Variants in MCF2L observed in about 807,000 individuals in gnomAD.
MCF2L encodes the protein MCF.2 cell line derived transforming sequence like.
MCF2L carries 97 observed loss-of-function variants against 153.4 expected under a neutral mutation model. The observed-to-expected ratio is 0.63, with a 90% CI of 0.54 to 0.75. The LOEUF (loss-of-function observed/expected upper bound fraction) is 0.75, where lower values mean the gene tolerates loss of function less well. MCF2L is among the 30% of genes least tolerant of loss of function. The pLI is 0.00. For synonymous variants in MCF2L, 659 were observed against 632.2 expected (o/e 1.04, Z -0.64); for missense variants, 1,347 against 1,495.2 (o/e 0.90, Z 1.64).
intron 4 of MCF2L, among the ~76,000 whole-genome samples, chr13:113,052,273 G>A (rs2087393528): frequency 6.6e-6 from 1 of 152,194 alleles, no homozygotes; most frequent in South Asian, 2.1e-4. Flanking sequence ...CTCGCTCAGC[G>A]GTTTTTTCTC....
intron 1 of MCF2L, among the ~76,000 whole-genome samples, chr13:113,002,359 T>C (rs1028198650): frequency 6.6e-6 from 1 of 152,240 alleles, no homozygotes; most frequent in South Asian, 2.1e-4. Context: ...ATAGACAGGC[T>C]ATGTGGACAA....
In MCF2L at chr13:112,963,177, C is replaced by A. The variant is rs1322429762; in HGVS notation, c.170-51586C>A. On this transcript the variant is annotated intron_variant, in intron 2 of 29. Coordinates refer to the MCF2L transcript ENST00000375608. ...TGAAAGGGCCCGTGGCTCCCACCCA[C>A]CTCCACCACTCTCAGCAGGGAATGC... 3.3e-5 allele frequency among the ~76,000 whole-genome samples: 5 copies of A among 152,348 alleles called. No homozygotes were observed. In the East Asian group the frequency reaches 5.8e-4, roughly 18 times the overall value.
chr13:112,918,465 G>C (rs573081952), intron 2 of MCF2L, among the ~76,000 whole-genome samples: 1 of 152,192 alleles, frequency 6.6e-6, no homozygotes, highest in Admixed American at 6.5e-5. Context: ...GCAGGCCCTT[G>C]TCCTTGTTGG....
intron 2 of MCF2L, among the ~76,000 whole-genome samples, chr13:112,918,943 C>T (rs889362735): frequency 2.6e-5 from 4 of 152,142 alleles, no homozygotes; most frequent in African/African-American, 9.7e-5. Context: ...TCTGCCCCTG[C>T]GCTTCCCCGA....
At chr13:112,971,009 T>G (rs977769803) in intron 1 of MCF2L, among the ~76,000 whole-genome samples, 1 of 152,116 alleles carries the variant, frequency 6.6e-6, no homozygotes, top group Non-Finnish European at 1.5e-5. Flanking sequence ...TAGCGTTTAG[T>G]TAGGGGAGGT....
rs2140803221 is a variant in MCF2L, at chr13:112,969,306, G to C, written c.-74G>C. 1 of 1,533,490 alleles carries C rather than the reference G, an allele frequency of 6.5e-7. No homozygotes were observed. Among genetic ancestry groups the C allele is most frequent in the South Asian group, 1.2e-5 (1 of 82,562 alleles). 95.0% of individuals were successfully genotyped at this position (1,533,490 alleles called of 1,614,324 possible). On this transcript the variant is annotated 5_prime_UTR_variant, in exon 1 of 30. Transcript: ENST00000535094. The surrounding 1 kb of genome is among the most constrained non-coding windows in gnomAD (Gnocchi z 4.8). The stretch of plus-strand genomic sequence containing the variant: ...CCTCCGCCGCGCCCCCTCCGCACTC[G>C]CACGGCCCCACCCGCAGGCGCCCCC...
intron 8 of MCF2L, 147 bp downstream of exon 8, chr13:113,066,317 A>G: frequency 2.0e-6 from 2 of 984,536 alleles, no homozygotes; most frequent in Non-Finnish European, 2.8e-6. Context: ...CCAGCACAGC[A>G]GCCGGCCTCC....
rs117864448 is a variant in MCF2L at position 113,070,195 on chromosome 13, C to T, written c.996+22C>T. ...GGAGGTGAGTGGCCCTGGGTGGAGCCGGCAGCCGCCCTGATGCTCACGGGG... is the reference window on the plus strand; with the variant it reads ...GGAGGTGAGTGGCCCTGGGTGGAGCTGGCAGCCGCCCTGATGCTCACGGGG... On this transcript the variant is annotated intron_variant, in intron 9 of 29. Coordinates refer to ENST00000535094, the MANE Select transcript of MCF2L (RefSeq NM_001112732.3). This position sits in a 1 kb window ranked among gnomAD's most constrained non-coding sequence, Gnocchi z 5.6. The T allele has an allele frequency of 0.016, 23,653 of 1,518,204 alleles. 202 individuals carry two copies. The highest frequency in any genetic ancestry group is 0.018 in the Non-Finnish European group (20,494 of 1,123,988). 94.0% of individuals were successfully genotyped at this position (1,518,204 alleles called of 1,614,324 possible). A position where few individuals can be genotyped will look rare whatever the true frequency, so the allele number is the denominator to read the frequency against.
chr13:113,001,892 C>T, intron 1 of MCF2L: 1 of 1,584,102 alleles, frequency 6.3e-7, no homozygotes, highest in Non-Finnish European at 8.5e-7. Context: ...TCGGGGGCTC[C>T]TGACTCGCAC....
chr13:113,052,213 A>AT (rs968995132), intron 4 of MCF2L, among the ~76,000 whole-genome samples: 13 of 152,198 alleles, frequency 8.5e-5, no homozygotes, highest in South Asian at 2.1e-4. Flanking sequence ...ATGTAGAAAC[A>AT]TTTTTTTAAA....
At position 112,909,291 on chromosome 13, in the gene MCF2L, C is replaced by T. The variant is rs761737262; in HGVS notation, c.169+6920C>T. On this transcript the variant is annotated intron_variant, in intron 2 of 29. Transcript: ENST00000375608. Reference sequence around the variant, plus strand: ...TCGTCCACAGTGAGCTGGTGTCCTGCCAGTCTCGGGAGGCACTCGGCAGTG... The same window carrying T: ...TCGTCCACAGTGAGCTGGTGTCCTGTCAGTCTCGGGAGGCACTCGGCAGTG... 1.5e-5 allele frequency: 12 copies of T among 779,678 alleles called. 1 individual carries two copies. The highest frequency in any genetic ancestry group is 1.5e-4 in the South Asian group (11 of 74,626). 48.3% of individuals were successfully genotyped at this position (779,678 alleles called of 1,614,324 possible).
intron 1 of MCF2L, among the ~76,000 whole-genome samples, chr13:112,970,016 A>G (rs2081985088): frequency 6.6e-6 from 1 of 152,200 alleles, no homozygotes; most frequent in Admixed American, 6.5e-5. Context: ...TACTTCAAAT[A>G]AGCTTTGAAG....
intron 2 of MCF2L, among the ~76,000 whole-genome samples, chr13:112,915,265 C>T (rs1405685760): frequency 1.3e-5 from 2 of 151,626 alleles, no homozygotes; most frequent in Admixed American, 6.6e-5. Context: ...ACAAATTAGC[C>T]GGGTGTGGTG....
At position 113,064,586 on chromosome 13, in the gene MCF2L, A is replaced by G. The variant is rs748201302; in HGVS notation, c.606+166A>G. The G allele has an allele frequency of 6.6e-6, 4 of 605,824 alleles. No homozygotes were observed. The African/African-American group carries it at 7.4e-5, about 11-fold the overall frequency. The allele number at this position is 605,824 out of a possible 1,614,324, so 37.5% of individuals were successfully genotyped here. A position where few individuals can be genotyped will look rare whatever the true frequency, so the allele number is the denominator to read the frequency against. ...TCTCAGTGGACCTTAGTCATTGTAA[A>G]GAAGTAACGTGAGTCATAAGTTTGG... On this transcript the variant is annotated intron_variant, in intron 6 of 29. Transcript: ENST00000535094. This position sits in a 1 kb window ranked among gnomAD's most constrained non-coding sequence, Gnocchi z 6.0.
At chr13:113,048,641 C>T (rs1299388008) in intron 4 of MCF2L, among the ~76,000 whole-genome samples, 1 of 152,000 alleles carries the variant, frequency 6.6e-6, no homozygotes, top group Non-Finnish European at 1.5e-5. Flanking sequence ...CGGGGTTTCA[C>T]CCACGTTAGC....
chr13:113,075,859 G>T, intron 11 of MCF2L, 107 bp from the exon 12 acceptor site: 2 of 882,242 alleles, frequency 2.3e-6, no homozygotes, highest in Non-Finnish European at 3.4e-6. Flanking sequence ...CGAGGAGTCG[G>T]TGGCCCGGGA....
chr13:112,909,067 A>AT (rs953875647), intron 2 of MCF2L, among the ~76,000 whole-genome samples: 2 of 152,046 alleles, frequency 1.3e-5, no homozygotes, highest in African/African-American at 4.8e-5. Context: ...TGCCGAGGGG[A>AT]TGATCTGGGT....
intron 4 of MCF2L, among the ~76,000 whole-genome samples, chr13:113,058,979 G>GCTGAGTGTTTGGGTA (rs1176063477): frequency 2.0e-5 from 3 of 150,678 alleles, no homozygotes; most frequent in African/African-American, 7.3e-5. Context: ...CTGTTTGGGT[G>GCTGAGTGTTTGGGTA]CTGAGTGTTT....
rs2081602287 is a variant in MCF2L, at chr13:112,943,737, G to C, written c.169+41366G>C. The stretch of plus-strand genomic sequence containing the variant: ...GCCGGGAGCCCGAGCAGCCTGCGGT[G>C]GCTCGGCTCGGGCCGGCGGAGATCT... On this transcript the variant is annotated intron_variant, in intron 2 of 29. Transcript: ENST00000375608. This position sits in a 1 kb window ranked among gnomAD's most constrained non-coding sequence, Gnocchi z 4.2. Among the ~76,000 whole-genome samples the C allele has an allele frequency of 6.6e-6, 1 of 152,112 alleles. No homozygotes were observed. Among genetic ancestry groups the C allele is most frequent in the East Asian group, 1.9e-4 (1 of 5,148 alleles).
Sources: gnomAD v4.1 joint callset for allele counts (sites outside exome capture counted in the v4.1 genomes callset) on GRCh38, gnomAD v4.1.1 for gene constraint, Gnocchi (gnomAD v3.1) non-coding constraint, MANE v1.5 for transcripts, NCBI Gene and HGNC (gene_info 2026-07-23, HGNC 2026-07-21) for gene names.